PCDHA8: variants seen among roughly 807,000 people sequenced by gnomAD.
PCDHA8 encodes the protein protocadherin alpha-8.
A neutral mutation model predicts 61.8 loss-of-function variants in PCDHA8; 53 were observed. The ratio of observed to expected loss-of-function variants is 0.86; its 90% CI spans 0.69 to 1.08. PCDHA8 has a LOEUF of 1.08. PCDHA8 is among the 50% of genes least tolerant of loss of function. The pLI is 0.00. For missense variants in PCDHA8, 1,293 were observed against 1,245.0 expected (o/e 1.04, Z -0.58); for synonymous variants, 618 against 556.6 (o/e 1.11, Z -1.55).
chr5:140,997,958 G>A (rs890356748), intron 3 of PCDHA8, among the ~76,000 whole-genome samples: 3 of 152,126 alleles, frequency 2.0e-5, no homozygotes, highest in Non-Finnish European at 2.9e-5. Context: ...TGGCATTCAC[G>A]TACCTGTGGT....
intron 1 of PCDHA8, among the ~76,000 whole-genome samples, chr5:140,933,649 T>G (rs1259214104): frequency 6.6e-6 from 1 of 152,058 alleles, no homozygotes; most frequent in Non-Finnish European, 1.5e-5. Flanking sequence ...AAGTTGGAAA[T>G]CCTGTCTCTC....
intron 1 of PCDHA8, chr5:140,870,531 G>C (rs1554164370): frequency 6.2e-7 from 1 of 1,614,196 alleles, no homozygotes; most frequent in Admixed American, 1.7e-5. Flanking sequence ...TCTTCACAGT[G>C]TCGGCGCGGG....
chr5:140,877,419 G>A (rs1554169722), intron 1 of PCDHA8: 1 of 1,613,922 alleles, frequency 6.2e-7, no homozygotes, highest in Non-Finnish European at 8.5e-7. Context: ...GCCTGCTGGT[G>A]CTGGTGAAGG....
chr5:140,966,918 A>T, intron 1 of PCDHA8: 1 of 1,602,744 alleles, frequency 6.2e-7, no homozygotes. Flanking sequence ...GTGCCAGAGG[A>T]GCAGGCACCC....
At chr5:140,967,362 C>A (rs1385889243) in intron 1 of PCDHA8, 2 of 1,607,452 alleles carry the variant, frequency 1.2e-6, no homozygotes, top group East Asian at 2.2e-5. Flanking sequence ...GACCTTAAGC[C>A]CCTGCAGGAG....
At chr5:140,874,134 C>T (rs2054725501) in intron 1 of PCDHA8, among the ~76,000 whole-genome samples, 1 of 152,122 alleles carries the variant, frequency 6.6e-6, no homozygotes, top group African/African-American at 2.4e-5. Flanking sequence ...TTTAAGTTAT[C>T]TTATACTTGT....
In PCDHA8 at chr5:141,011,594, T is replaced by C. The variant is rs2098421156; in HGVS notation, c.*1657T>C. 6.5e-6 allele frequency: 1 copy of C among 153,764 alleles called. No homozygotes were observed. Among genetic ancestry groups the C allele is most frequent in the East Asian group, 1.9e-4 (1 of 5,202 alleles). The allele number at this position is 153,764 out of a possible 1,614,324, so 9.5% of individuals were successfully genotyped here. On this transcript the variant is annotated 3_prime_UTR_variant, in exon 4 of 4. Coordinates refer to ENST00000531613, the MANE Select transcript of PCDHA8 (RefSeq NM_018911.3). ...TTTCTTAAATCAAGATACTGGTGAT[T>C]CAAGGAATTTTATTTATGGTCCAGC...
rs2150318765 is a variant in PCDHA8, at chr5:140,841,595, C to G, written c.274C>G (p.Arg92Gly). The G allele has an allele frequency of 6.2e-7, 1 of 1,614,060 alleles. No homozygotes were observed. The highest frequency in any genetic ancestry group is 8.5e-7 in the Non-Finnish European group (1 of 1,180,018). ...TTTGTTTGTGAATTCTCGGATCGACCGCGAGGAGCTGTGCGGGCGGAGCGC... is the reference window on the plus strand; with the variant it reads ...TTTGTTTGTGAATTCTCGGATCGACGGCGAGGAGCTGTGCGGGCGGAGCGC... The part of the protein sequence containing the change: ...GILFVNSRID[R>G]EELCGRSAEC... The change falls in exon 1 of 4, where the codon CGC becomes GGC. Residue 92 changes from arginine (R) to glycine (G), a missense_variant. Arg to Gly is a moderately radical substitution (Grantham distance 125, BLOSUM62 -2). Coordinates refer to ENST00000531613, the MANE Select transcript of PCDHA8 (RefSeq NM_018911.3).
At chr5:140,929,321 C>A (rs1554206981) in intron 1 of PCDHA8, 1 of 1,541,174 alleles carries the variant, frequency 6.5e-7, no homozygotes, top group Non-Finnish European at 8.8e-7. Flanking sequence ...AATGTCAATG[C>A]CATGGTAAGC....
intron 1 of PCDHA8, among the ~76,000 whole-genome samples, chr5:140,954,160 A>G (rs1231258623): frequency 6.6e-6 from 1 of 152,188 alleles, no homozygotes; most frequent in Non-Finnish European, 1.5e-5. Flanking sequence ...TATATGTACC[A>G]CATTTTCTTT....
chr5:140,917,960 T>C (rs531936377), intron 1 of PCDHA8, among the ~76,000 whole-genome samples: 8 of 152,316 alleles, frequency 5.3e-5, no homozygotes, highest in East Asian at 3.9e-4. Context: ...AGGAACATCA[T>C]TGAATCTGTG....
At chr5:140,851,481 C>G in intron 1 of PCDHA8, 1 of 891,038 alleles carries the variant, frequency 1.1e-6, no homozygotes, top group Non-Finnish European at 1.4e-6. Flanking sequence ...ATGTTATAAA[C>G]ACAGCCTTCA....
intron 1 of PCDHA8, among the ~76,000 whole-genome samples, chr5:140,971,214 C>T (rs1285730991): frequency 6.6e-6 from 1 of 152,172 alleles, no homozygotes; most frequent in African/African-American, 2.4e-5. Flanking sequence ...GTTACCCTCC[C>T]TCTCCTGACT....
At chr5:140,857,933 G>A (rs1554150890) in intron 1 of PCDHA8, 2 of 1,597,790 alleles carry the variant, frequency 1.3e-6, no homozygotes, top group Admixed American at 1.7e-5. Context: ...GTACACGGGC[G>A]AGATCAGTAC....
At chr5:140,926,607 C>T (rs887450914) in intron 1 of PCDHA8, 1 of 348,974 alleles carries the variant, frequency 2.9e-6, no homozygotes, top group Non-Finnish European at 5.1e-6. Context: ...GGCCTCGTCT[C>T]TGCACCCCTA....
At chr5:140,916,252 G>A (rs2077495466) in intron 1 of PCDHA8, among the ~76,000 whole-genome samples, 1 of 152,176 alleles carries the variant, frequency 6.6e-6, no homozygotes, top group Admixed American at 6.5e-5. Flanking sequence ...TGGACTTGGG[G>A]ACCCCAAGAG....
intron 1 of PCDHA8, chr5:140,870,745 G>C (rs369212308): frequency 1.9e-6 from 3 of 1,613,530 alleles, no homozygotes; most frequent in Non-Finnish European, 2.5e-6. Context: ...GAGCAGCAAC[G>C]TGACGCTGCA....
chr5:140,925,905 G>A (rs1241819632), intron 1 of PCDHA8, among the ~76,000 whole-genome samples: 1 of 151,822 alleles, frequency 6.6e-6, no homozygotes, highest in Admixed American at 6.6e-5. Flanking sequence ...GATCGTCAAG[G>A]GCCGTTTGCA....
In PCDHA8 at chr5:140,883,010, A is replaced by G. The variant is rs149814661; in HGVS notation, c.2394+39295A>G. 9.8e-4 allele frequency: 1,586 copies of G among 1,614,156 alleles called. 2 individuals carry two copies. The highest frequency in any genetic ancestry group is 1.3e-3 in the Non-Finnish European group (1,478 of 1,180,036). ...CCCGGAATTTTACCAATCCGTTTAT[A>G]AAGTGACGGTGTTAGAGAACGCCTT... On this transcript the variant is annotated intron_variant, in intron 1 of 3. Coordinates refer to ENST00000531613, the MANE Select transcript of PCDHA8 (RefSeq NM_018911.3).
Sources: allele counts gnomAD v4.1 joint callset (sites outside exome capture counted in the v4.1 genomes callset), GRCh38; gene constraint gnomAD v4.1.1; transcripts MANE v1.5; gene names NCBI Gene and HGNC (gene_info 2026-07-23, HGNC 2026-07-21).